IPCEF1: variants seen among roughly 807,000 people sequenced by gnomAD.
The protein encoded by IPCEF1 is interaction protein for cytohesin exchange factors 1, also known as interactor protein for cytohesin exchange factors 1.
A neutral mutation model predicts 50.9 loss-of-function variants in IPCEF1; 31 were observed. The ratio of observed to expected loss-of-function variants is 0.61; its 90% CI spans 0.46 to 0.82. IPCEF1 has a LOEUF of 0.82. IPCEF1 is among the 40% of genes least tolerant of loss of function. The pLI is 0.00. For missense variants in IPCEF1, 458 were observed against 514.0 expected, an observed-to-expected ratio of 0.89 and a Z score of 1.05; for synonymous variants, 181 against 192.0, an observed-to-expected ratio of 0.94 and a Z score of 0.47.
Position 154,241,798 on chromosome 6 carries a change from C to T in IPCEF1, c.246+4793G>A, listed in dbSNP as rs73567189. ...ATGCCAATTTCACGAGCTCACCTTC[C>T]GGCTCAAGAATAGGCAGTGGCTCCC... On this transcript the variant is annotated intron_variant, in intron 5 of 11. Coordinates refer to ENST00000367220, the MANE Select transcript of IPCEF1 (RefSeq NM_001130700.2). Among the ~76,000 whole-genome samples, 612 of 152,222 alleles carry T rather than the reference C, an allele frequency of 4.0e-3. 5 individuals are homozygous for T. Among genetic ancestry groups the T allele is most frequent in the African/African-American group, 0.014 (578 of 41,520 alleles).
intron 1 of IPCEF1, among the ~76,000 whole-genome samples, chr6:154,319,191 A>G (rs969666406): frequency 6.6e-5 from 10 of 152,112 alleles, no homozygotes; most frequent in African/African-American, 2.4e-4. Flanking sequence ...AAAAACATGA[A>G]CTGTTTATAA....
intron 11 of IPCEF1, among the ~76,000 whole-genome samples, chr6:154,165,236 A>T (rs894790112): frequency 6.6e-6 from 1 of 152,170 alleles, no homozygotes; most frequent in Admixed American, 6.5e-5. Context: ...CACTACTACC[A>T]GGGTCACAGA....
intron 5 of IPCEF1, among the ~76,000 whole-genome samples, chr6:154,225,252 G>A (rs766726198): frequency 8.1e-4 from 124 of 152,184 alleles, no homozygotes; most frequent in Non-Finnish European, 1.6e-3. Context: ...TTGGATTATG[G>A]ATGCTCAGAG....
chr6:154,323,461 G>GGTATTTATAAATAAACGTTTATTTA (rs1562289303), intron 1 of IPCEF1, among the ~76,000 whole-genome samples: 10 of 148,544 alleles, frequency 6.7e-5, no homozygotes, highest in Non-Finnish European at 1.5e-4. Flanking sequence ...ACATTTCTTT[G>GGTATTTATAAATAAACGTTTATTTA]GTATTTACAA....
At chr6:154,174,369 C>T (rs187952159) in intron 10 of IPCEF1, among the ~76,000 whole-genome samples, 49 of 152,214 alleles carry the variant, frequency 3.2e-4, no homozygotes, top group East Asian at 2.9e-3. Context: ...TTAAAAGACA[C>T]GGACTGGCAA....
intron 1 of IPCEF1, 68 bp from the exon 2 acceptor site, chr6:154,289,824 T>G (rs1485871121): frequency 6.6e-6 from 1 of 150,512 alleles, no homozygotes; most frequent in Non-Finnish European, 1.5e-5. Context: ...GATTTCTGCC[T>G]GGACTCAATC....
At chr6:154,322,780 T>C (rs931392082) in intron 1 of IPCEF1, among the ~76,000 whole-genome samples, 2 of 151,504 alleles carry the variant, frequency 1.3e-5, no homozygotes, top group African/African-American at 4.9e-5. Context: ...GAGGTTGCAG[T>C]GAGCCGAGAT....
chr6:154,291,492 T>G (rs1782512169), intron 1 of IPCEF1, among the ~76,000 whole-genome samples: 2 of 152,132 alleles, frequency 1.3e-5, no homozygotes, highest in Non-Finnish European at 2.9e-5. Context: ...CTAGATGGCC[T>G]TCACCTTGAT....
intron 10 of IPCEF1, among the ~76,000 whole-genome samples, chr6:154,191,229 G>T (rs963501286): frequency 1.3e-5 from 2 of 152,166 alleles, no homozygotes; most frequent in Non-Finnish European, 2.9e-5. Flanking sequence ...AGGTTGTCAG[G>T]TTCCTGGGAG....
intron 10 of IPCEF1, among the ~76,000 whole-genome samples, chr6:154,191,672 TCAACAACAA>T (rs140096033): frequency 4.3e-4 from 64 of 149,678 alleles, no homozygotes; most frequent in Admixed American, 6.6e-4. Context: ...AGACTTTGCC[TCAACAACAA>T]CAACAACAAC....
chr6:154,277,929 T>C (rs1303391201), intron 2 of IPCEF1, among the ~76,000 whole-genome samples: 1 of 152,108 alleles, frequency 6.6e-6, no homozygotes, highest in Non-Finnish European at 1.5e-5. Flanking sequence ...CATCTTTACA[T>C]GCTCACTTTC....
intron 10 of IPCEF1, among the ~76,000 whole-genome samples, chr6:154,191,092 C>CT (rs1171222967): frequency 3.3e-5 from 5 of 151,950 alleles, no homozygotes; most frequent in African/African-American, 1.2e-4. Context: ...CTACAAAAGA[C>CT]TTAGAAGAAG....
intron 1 of IPCEF1, among the ~76,000 whole-genome samples, chr6:154,294,419 G>A (rs927475172): frequency 1.3e-5 from 2 of 152,190 alleles, no homozygotes; most frequent in African/African-American, 4.8e-5. Context: ...GAGGCTGGAT[G>A]CAATAGGTTA....
chr6:154,339,223 A>T (rs933315216), intron 1 of IPCEF1, among the ~76,000 whole-genome samples: 2 of 152,164 alleles, frequency 1.3e-5, no homozygotes, highest in African/African-American at 4.8e-5. Flanking sequence ...TCTGAATCTC[A>T]TTATTTAATT....
intron 2 of IPCEF1, among the ~76,000 whole-genome samples, chr6:154,283,450 T>C (rs1782279235): frequency 6.7e-6 from 1 of 150,224 alleles, no homozygotes; most frequent in African/African-American, 2.5e-5. Flanking sequence ...TACAAAAAAT[T>C]AGCCAGGTGC....
intron 1 of IPCEF1, among the ~76,000 whole-genome samples, chr6:154,310,621 G>C (rs1372088755): frequency 6.6e-6 from 1 of 152,116 alleles, no homozygotes; most frequent in Non-Finnish European, 1.5e-5. Context: ...CAATAGTTAA[G>C]ATACAGAATC....
At chr6:154,309,245 G>A (rs149809446) in intron 1 of IPCEF1, among the ~76,000 whole-genome samples, 395 of 152,128 alleles carry the variant, frequency 2.6e-3, no homozygotes, top group African/African-American at 8.7e-3. Context: ...GCCAATAACC[G>A]CTCATTCACA....
chr6:154,264,012 C>CA (rs974061713), intron 3 of IPCEF1, among the ~76,000 whole-genome samples: 2 of 150,054 alleles, frequency 1.3e-5, no homozygotes, highest in African/African-American at 4.9e-5. Context: ...CTGACCCCCC[C>CA]CACCTCCCTC....
rs573623126 is a variant in IPCEF1, at chr6:154,274,446, A to G, written c.-17-8482T>C. ...TCCACAAAGCTAAGGGAGATAAAAG[A>G]CTTTCTTTCAGCCAATAATGTCAAT... On this transcript the variant is annotated intron_variant, in intron 2 of 11. Coordinates refer to ENST00000367220, the MANE Select transcript of IPCEF1 (RefSeq NM_001130700.2). Among the ~76,000 whole-genome samples, 7 of 152,236 alleles carry G rather than the reference A, an allele frequency of 4.6e-5. No homozygotes were observed. In the South Asian group the frequency reaches 8.3e-4, roughly 18 times the overall value.
Sources: allele counts gnomAD v4.1 joint callset (sites outside exome capture counted in the v4.1 genomes callset), GRCh38; gene constraint gnomAD v4.1.1; transcripts MANE v1.5; gene names NCBI Gene and HGNC (gene_info 2026-07-23, HGNC 2026-07-21).